The following UBTD2 variants were observed in gnomAD, a reference collection of about 807,000 sequenced individuals.
The protein encoded by UBTD2 is ubiquitin domain containing 2, also known as ubiquitin domain-containing protein 2.
In UBTD2, 9 loss-of-function variants were observed where a neutral mutation model predicts 19.8. That is an observed-to-expected ratio of 0.46 (90% CI 0.27 to 0.79). UBTD2 has a LOEUF of 0.79. Among genes scored for constraint, UBTD2 ranks in the 30% least tolerant of loss-of-function variants. The probability of loss-of-function intolerance (pLI) is 0.14; values close to 1 mark genes in which losing one functional copy is unlikely to be tolerated. For missense variants in UBTD2, 250 were observed against 300.4 expected, an observed-to-expected ratio of 0.83 and a Z score of 1.24; for synonymous variants, 98 against 103.9, an observed-to-expected ratio of 0.94 and a Z score of 0.35.
At chr5:172,215,589 T>C (rs1480838395) in intron 2 of UBTD2, among the ~76,000 whole-genome samples, 1 of 152,218 alleles carries the variant, frequency 6.6e-6, no homozygotes, top group African/African-American at 2.4e-5. Context: ...AACAGTTTTT[T>C]AGAGCAAGCA....
At chr5:172,240,688 GTCT>G (rs2113900840) in intron 1 of UBTD2, among the ~76,000 whole-genome samples, 1 of 152,148 alleles carries the variant, frequency 6.6e-6, no homozygotes, top group African/African-American at 2.4e-5. Context: ...TAATGGGTCA[GTCT>G]TATTAAAAGT....
intron 2 of UBTD2, among the ~76,000 whole-genome samples, chr5:172,215,192 G>GTT (rs1771518165): frequency 6.6e-6 from 1 of 152,228 alleles, no homozygotes; most frequent in Admixed American, 6.5e-5. Context: ...ACCTTCCTGA[G>GTT]TTTTACCTTC....
intron 1 of UBTD2, among the ~76,000 whole-genome samples, chr5:172,276,420 G>A (rs907941112): frequency 6.6e-6 from 1 of 152,128 alleles, no homozygotes; most frequent in South Asian, 2.1e-4. Context: ...CTTTACCAAC[G>A]ATTACCCCAT....
intron 2 of UBTD2, among the ~76,000 whole-genome samples, chr5:172,230,543 C>T (rs866324442): frequency 8.5e-4 from 129 of 151,996 alleles, no homozygotes; most frequent in Admixed American, 1.4e-3. Context: ...AGAGGTAAGA[C>T]AGTTATTATC....
intron 1 of UBTD2, among the ~76,000 whole-genome samples, chr5:172,269,009 T>C (rs1159809837): frequency 2.6e-5 from 4 of 152,132 alleles, no homozygotes; most frequent in Non-Finnish European, 2.9e-5. Context: ...GAGATTCACA[T>C]TGAAGTGTCA....
At chr5:172,262,137 C>A (rs1755281601) in intron 1 of UBTD2, among the ~76,000 whole-genome samples, 1 of 152,066 alleles carries the variant, frequency 6.6e-6, no homozygotes, top group Admixed American at 6.6e-5. Flanking sequence ...TCATTAAAGT[C>A]AAAGGGTCTT....
At chr5:172,216,443 T>TA (rs1189927208) in intron 2 of UBTD2, among the ~76,000 whole-genome samples, 286 of 141,068 alleles carry the variant, frequency 2.0e-3, no homozygotes, top group African/African-American at 4.8e-3. Flanking sequence ...AATCAAAGAT[T>TA]AAAAAAAAAA....
At chr5:172,260,266 A>G (rs527929836) in intron 1 of UBTD2, among the ~76,000 whole-genome samples, 1 of 152,132 alleles carries the variant, frequency 6.6e-6, no homozygotes, top group Admixed American at 6.6e-5. Flanking sequence ...CTATTAATAC[A>G]TCTTAATTTT....
chr5:172,213,136 G>A (rs757462305), intron 2 of UBTD2, among the ~76,000 whole-genome samples: 8 of 151,130 alleles, frequency 5.3e-5, no homozygotes, highest in Non-Finnish European at 1.0e-4. Context: ...GATTACAGGC[G>A]CACACCACCA....
chr5:172,229,297 G>A (rs1013446116), intron 2 of UBTD2, among the ~76,000 whole-genome samples: 11 of 151,704 alleles, frequency 7.3e-5, no homozygotes, highest in Admixed American at 2.0e-4. Flanking sequence ...TCAGGAGATC[G>A]AGACCATCCT....
intron 2 of UBTD2, among the ~76,000 whole-genome samples, chr5:172,218,810 T>TAAAAAAAAAAAAA (rs1241151556): frequency 3.9e-5 from 5 of 128,326 alleles, no homozygotes; most frequent in Non-Finnish European, 3.3e-5. Context: ...AAAAAAAAAA[T>TAAAAAAAAAAAAA]AAAAAATAAA....
chr5:172,261,809 G>A (rs1378074443), intron 1 of UBTD2, among the ~76,000 whole-genome samples: 1 of 152,080 alleles, frequency 6.6e-6, no homozygotes, highest in African/African-American at 2.4e-5. Flanking sequence ...ATTTTTAACA[G>A]AGATGGGTTT....
intron 1 of UBTD2, among the ~76,000 whole-genome samples, chr5:172,237,586 C>T (rs1222198393): frequency 6.6e-6 from 1 of 152,136 alleles, no homozygotes; most frequent in African/African-American, 2.4e-5. Flanking sequence ...CAGAGCAGTG[C>T]AGAATTTTCA....
At chr5:172,263,877 A>G (rs868681237) in intron 1 of UBTD2, among the ~76,000 whole-genome samples, 94 of 31,988 alleles carry the variant, frequency 2.9e-3, no homozygotes, top group Middle Eastern at 0.029. Context: ...GTGTGTGTGT[A>G]ATTTTTCTGA....
chr5:172,244,038 T>G (rs1463162510), intron 1 of UBTD2, among the ~76,000 whole-genome samples: 2 of 151,998 alleles, frequency 1.3e-5, no homozygotes, highest in African/African-American at 2.4e-5. Context: ...GAAACATTGA[T>G]CTAGTTGCAA....
At chr5:172,250,081 G>T (rs921567003) in intron 1 of UBTD2, among the ~76,000 whole-genome samples, 15 of 151,902 alleles carry the variant, frequency 9.9e-5, no homozygotes, top group Admixed American at 7.2e-4. Context: ...ACATTAGCTG[G>T]GCGTGGTGGT....
intron 1 of UBTD2, among the ~76,000 whole-genome samples, chr5:172,282,944 C>A (rs539470379): frequency 6.6e-6 from 1 of 152,172 alleles, no homozygotes; most frequent in East Asian, 1.9e-4. Context: ...ATTAGCCCAC[C>A]CCGACAGCAC....
intron 1 of UBTD2, among the ~76,000 whole-genome samples, chr5:172,265,201 A>G (rs570672834): frequency 3.9e-4 from 59 of 152,344 alleles, no homozygotes; most frequent in African/African-American, 1.4e-3. Flanking sequence ...GCCTCCTTTC[A>G]CCAGGCAAAT....
In UBTD2 at chr5:172,237,854, A is replaced by C. The variant is rs79383156; in HGVS notation, c.71-3496T>G. ...GAACTTAGAGGTACTATATGAAATA[A>C]CATCTTTAAGTCCTTTGGCAAAAAT... On this transcript the variant is annotated intron_variant, in intron 1 of 2. Transcript: ENST00000393792. 5.4e-3 allele frequency among the ~76,000 whole-genome samples: 819 copies of C among 152,358 alleles called. 9 individuals are homozygous for C. The highest frequency in any genetic ancestry group is 0.018 in the African/African-American group (767 of 41,582).
Sources: gnomAD v4.1 joint callset for allele counts (sites outside exome capture counted in the v4.1 genomes callset) on GRCh38, gnomAD v4.1.1 for gene constraint, MANE v1.5 for transcripts, NCBI Gene and HGNC (gene_info 2026-07-23, HGNC 2026-07-21) for gene names.